The following FGF10 variants were observed in gnomAD, a reference collection of about 807,000 sequenced individuals.
FGF10 encodes the protein FGF-10.
FGF10 carries 2 observed loss-of-function variants against 19.8 expected under a neutral mutation model. That is an observed-to-expected ratio of 0.10 (90% confidence interval 0.04 to 0.32). The LOEUF (loss-of-function observed/expected upper bound fraction) is 0.32, where lower values mean the gene tolerates loss of function less well. Ranked by LOEUF, FGF10 falls within the 10% of genes least tolerant of loss-of-function variation. FGF10 has a pLI of 1.00. For missense variants in FGF10, 191 were observed against 246.3 expected, an observed-to-expected ratio of 0.78 and a Z score of 1.50; for synonymous variants, 112 against 94.0, an observed-to-expected ratio of 1.19 and a Z score of -1.10.
chr5:44,355,608 T>C (rs1472648291), intron 1 of FGF10, among the ~76,000 whole-genome samples: 1 of 151,206 alleles, frequency 6.6e-6, no homozygotes, highest in African/African-American at 2.4e-5. Context: ...AGACTAATTG[T>C]TAGTGCACAG....
chr5:44,366,461 G>T (rs1741616890), intron 1 of FGF10, among the ~76,000 whole-genome samples: 1 of 151,966 alleles, frequency 6.6e-6, no homozygotes, highest in Non-Finnish European at 1.5e-5. Context: ...AAAGAAGGAG[G>T]TGAAGAAAGA....
intron 1 of FGF10, among the ~76,000 whole-genome samples, chr5:44,349,469 TC>T (rs1741184364): frequency 9.8e-4 from 27 of 27,598 alleles, no homozygotes; most frequent in African/African-American, 1.7e-3. Context: ...TATATATATA[TC>T]AGAATATATA....
chr5:44,354,408 CTGTTA>C (rs1234827806), intron 1 of FGF10, among the ~76,000 whole-genome samples: 4 of 151,456 alleles, frequency 2.6e-5, no homozygotes, highest in Non-Finnish European at 5.9e-5. Context: ...AGTTAATACT[CTGTTA>C]TATCTTCCCT....
chr5:44,339,212 C>A (rs1267632151), intron 1 of FGF10, among the ~76,000 whole-genome samples: 1 of 152,032 alleles, frequency 6.6e-6, no homozygotes, highest in Non-Finnish European at 1.5e-5. Flanking sequence ...TATTTGAAGT[C>A]TTTACATCTC....
intron 1 of FGF10, among the ~76,000 whole-genome samples, chr5:44,346,600 G>T (rs2111806225): frequency 6.6e-6 from 1 of 151,906 alleles, no homozygotes; most frequent in African/African-American, 2.4e-5. Flanking sequence ...CAGAACTCAT[G>T]CACTCTGCCT....
In FGF10 at chr5:44,302,292, T is replaced by C. The variant is rs1246942666; in HGVS notation, c.*2703A>G. On this transcript the variant is annotated 3_prime_UTR_variant, in exon 3 of 3. Transcript: ENST00000264664. ...CTTCCTTCTTTCCTTGCTTCCTTCC[T>C]TCCTTCCTTCCTTCCTTCCTTCCTT... is the stretch of plus-strand genomic sequence containing the variant. Among the ~76,000 whole-genome samples the C allele has an allele frequency of 5.3e-5, 5 of 94,752 alleles. No individual in the cohort carries two copies. The highest frequency in any genetic ancestry group is 4.5e-3 in the Middle Eastern group (1 of 224). 62.2% of individuals were successfully genotyped at this position (94,752 alleles called of 152,430 possible).
intron 1 of FGF10, among the ~76,000 whole-genome samples, chr5:44,323,364 A>C (rs959564234): frequency 1.3e-5 from 2 of 152,198 alleles, no homozygotes; most frequent in Non-Finnish European, 2.9e-5. Context: ...CCTGGTGCTT[A>C]AAAATTGTAT....
intron 1 of FGF10, among the ~76,000 whole-genome samples, chr5:44,366,623 C>T (rs1176588151): frequency 6.6e-6 from 1 of 151,954 alleles, no homozygotes; most frequent in Non-Finnish European, 1.5e-5. Context: ...CTTTTAGTGG[C>T]TTGTGACATA....
At chr5:44,366,127 C>CTTTTTTTTTTTTTCTTTTTTTT (rs1741606407) in intron 1 of FGF10, among the ~76,000 whole-genome samples, 1 of 74,810 alleles carries the variant, frequency 1.3e-5, no homozygotes, top group Non-Finnish European at 2.3e-5. Context: ...CAATTATTTC[C>CTTTTTTTTTTTTTCTTTTTTTT]TTTTTTTTTT....
chr5:44,359,905 T>G (rs1741435860), intron 1 of FGF10, among the ~76,000 whole-genome samples: 1 of 151,432 alleles, frequency 6.6e-6, no homozygotes, highest in East Asian at 2.0e-4. Context: ...GACTAGAAAA[T>G]CTAATTCCAT....
At chr5:44,372,968 TC>T (rs1236217700) in intron 1 of FGF10, among the ~76,000 whole-genome samples, 1 of 152,326 alleles carries the variant, frequency 6.6e-6, no homozygotes, top group Admixed American at 6.5e-5. Flanking sequence ...CTCATGGTGA[TC>T]CTTTTTCTTT....
chr5:44,370,612 A>G (rs1192123425), intron 1 of FGF10, among the ~76,000 whole-genome samples: 1 of 151,992 alleles, frequency 6.6e-6, no homozygotes, highest in Non-Finnish European at 1.5e-5. Context: ...GCTCCATAAC[A>G]CTCTAAATTA....
At chr5:44,386,870 T>G (rs1026711330) in intron 1 of FGF10, among the ~76,000 whole-genome samples, 2 of 152,232 alleles carry the variant, frequency 1.3e-5, no homozygotes, top group African/African-American at 4.8e-5. Flanking sequence ...TTCTTAATTC[T>G]TGTAAATTTG....
chr5:44,321,378 A>G (rs1740483361), intron 1 of FGF10, among the ~76,000 whole-genome samples: 1 of 152,126 alleles, frequency 6.6e-6, no homozygotes, highest in Non-Finnish European at 1.5e-5. Flanking sequence ...AGTGCAATAT[A>G]TTTTTCAGGA....
At chr5:44,305,231 T>C (rs1240857095) in intron 2 of FGF10, 39 bp from the exon 3 acceptor site, 5 of 1,580,202 alleles carry the variant, frequency 3.2e-6, no homozygotes, top group Non-Finnish European at 4.3e-6. Flanking sequence ...CCTATGGTGA[T>C]TGTACTTGAT....
At chr5:44,337,166 T>C (rs2111777113) in intron 1 of FGF10, among the ~76,000 whole-genome samples, 2 of 152,320 alleles carry the variant, frequency 1.3e-5, no homozygotes, top group Middle Eastern at 3.4e-3. Flanking sequence ...GCTTATGTTA[T>C]ATTAGTGATC....
chr5:44,367,841 CTG>C (rs899396789), intron 1 of FGF10, among the ~76,000 whole-genome samples: 4 of 24,480 alleles, frequency 1.6e-4, no homozygotes, highest in Non-Finnish European at 2.6e-4. Context: ...ATTTTGTATG[CTG>C]TTTTTTTTTT....
chr5:44,338,612 C>G (rs771661112), intron 1 of FGF10, among the ~76,000 whole-genome samples: 7 of 152,134 alleles, frequency 4.6e-5, no homozygotes, highest in Admixed American at 2.6e-4. Flanking sequence ...CCCTTGTCTT[C>G]CCTCATCACA....
chr5:44,371,492 C>T (rs2973641), intron 1 of FGF10, among the ~76,000 whole-genome samples: 140,468 of 152,120 alleles, frequency 0.92, 65,600 homozygotes, highest in Non-Finnish European at 1. Context: ...TATAAAGGGG[C>T]TTCTTTAAAT....
Sources: gnomAD v4.1 joint callset for allele counts (sites outside exome capture counted in the v4.1 genomes callset) on GRCh38, gnomAD v4.1.1 for gene constraint, MANE v1.5 for transcripts, NCBI Gene and HGNC (gene_info 2026-07-23, HGNC 2026-07-21) for gene names.